Variants in FSTL5 observed in about 807,000 individuals in gnomAD.
The protein encoded by FSTL5 is follistatin-related protein 5.
A neutral mutation model predicts 89.1 loss-of-function variants in FSTL5; 62 were observed. The ratio of observed to expected loss-of-function variants is 0.70; its 90% CI spans 0.57 to 0.86. The LOEUF (loss-of-function observed/expected upper bound fraction) is 0.86. Ranked by LOEUF, FSTL5 falls within the 40% of genes least tolerant of loss-of-function variation. FSTL5 has a pLI of 0.00. For missense variants in FSTL5, 1,057 were observed against 1,001.6 expected, an observed-to-expected ratio of 1.06 and a Z score of -0.75; for synonymous variants, 383 against 346.2, an observed-to-expected ratio of 1.11 and a Z score of -1.18.
chr4:162,027,755 TTC>T (rs1737353662), intron 3 of FSTL5, among the ~76,000 whole-genome samples: 1 of 151,432 alleles, frequency 6.6e-6, no homozygotes, highest in South Asian at 2.1e-4. Context: ...ATGTTTTAGA[TTC>T]TCTTATTGGT....
intron 4 of FSTL5, among the ~76,000 whole-genome samples, chr4:161,787,299 A>G (rs565564008): frequency 6.6e-6 from 1 of 152,210 alleles, no homozygotes; most frequent in South Asian, 2.1e-4. Context: ...GTTTAGAAGA[A>G]AGGAAGTGCT....
intron 12 of FSTL5, among the ~76,000 whole-genome samples, chr4:161,499,156 C>G (rs996402912): frequency 3.3e-5 from 5 of 152,030 alleles, no homozygotes; most frequent in Non-Finnish European, 7.4e-5. Flanking sequence ...GAGCCGAGAT[C>G]ACTCCATTGC....
chr4:162,023,183 G>T (rs1905363), intron 3 of FSTL5, among the ~76,000 whole-genome samples: 38,835 of 151,942 alleles, frequency 0.26, 5,578 homozygotes, highest in Non-Finnish European at 0.32. Flanking sequence ...AGGGACTATC[G>T]TGTGGTATGG....
intron 2 of FSTL5, among the ~76,000 whole-genome samples, chr4:162,099,914 C>T (rs1730920970): frequency 6.6e-6 from 1 of 151,716 alleles, no homozygotes; most frequent in Non-Finnish European, 1.5e-5. Context: ...ATACTGACAA[C>T]ACCAAATGCT....
intron 12 of FSTL5, among the ~76,000 whole-genome samples, chr4:161,499,087 A>G (rs1730201259): frequency 2.6e-5 from 4 of 152,104 alleles, no homozygotes; most frequent in Admixed American, 6.6e-5. Flanking sequence ...CTGTAATCCC[A>G]GCTACTTGGG....
chr4:161,694,451 T>A (rs911580657), intron 6 of FSTL5, among the ~76,000 whole-genome samples: 4 of 149,900 alleles, frequency 2.7e-5, no homozygotes, highest in African/African-American at 9.8e-5. Context: ...AGAATTTCTG[T>A]TTTTTTTATA....
intron 1 of FSTL5, among the ~76,000 whole-genome samples, chr4:162,123,592 T>C (rs1302636693): frequency 4.1e-5 from 5 of 120,936 alleles, no homozygotes; most frequent in African/African-American, 1.2e-4. Context: ...AACTGAAGAC[T>C]TGAGGACATT....
At chr4:161,869,751 A>G (rs965921077) in intron 4 of FSTL5, among the ~76,000 whole-genome samples, 1 of 152,200 alleles carries the variant, frequency 6.6e-6, no homozygotes, top group African/African-American at 2.4e-5. Flanking sequence ...ATAACAAACC[A>G]TGAATATCCC....
intron 4 of FSTL5, among the ~76,000 whole-genome samples, chr4:161,811,224 G>A (rs1312407738): frequency 6.6e-6 from 1 of 151,976 alleles, no homozygotes; most frequent in Non-Finnish European, 1.5e-5. Context: ...AAAAATCAAG[G>A]AAGAAACAAC....
intron 1 of FSTL5, among the ~76,000 whole-genome samples, chr4:162,163,290 C>T (rs1733759335): frequency 6.6e-6 from 1 of 151,778 alleles, no homozygotes; most frequent in Admixed American, 6.6e-5. Flanking sequence ...TGGAATGGTT[C>T]CTATCCTTTG....
At chr4:162,011,916 TAG>T (rs767388955) in intron 3 of FSTL5, among the ~76,000 whole-genome samples, 3 of 152,234 alleles carry the variant, frequency 2.0e-5, no homozygotes, top group Non-Finnish European at 4.4e-5. Context: ...TATTCTTCTC[TAG>T]AGTCTTGTTT....
At chr4:162,023,153 T>A (rs1737155125) in intron 3 of FSTL5, among the ~76,000 whole-genome samples, 1 of 152,132 alleles carries the variant, frequency 6.6e-6, no homozygotes, top group Admixed American at 6.6e-5. Context: ...TTAGGTGATT[T>A]TCGTTACTTT....
intron 8 of FSTL5, among the ~76,000 whole-genome samples, chr4:161,563,794 A>C (rs150616982): frequency 1.1e-3 from 161 of 152,144 alleles, no homozygotes; most frequent in African/African-American, 3.7e-3. Context: ...AAGTTATTGT[A>C]TAATTTAGAA....
chr4:161,458,542 T>C (rs1733444406), intron 14 of FSTL5, among the ~76,000 whole-genome samples: 1 of 152,214 alleles, frequency 6.6e-6, no homozygotes, highest in African/African-American at 2.4e-5. Context: ...TAATTTGGGG[T>C]CTTGTTAAGA....
At chr4:162,157,695 A>T (rs930654991) in intron 1 of FSTL5, among the ~76,000 whole-genome samples, 1 of 152,166 alleles carries the variant, frequency 6.6e-6, no homozygotes, top group African/African-American at 2.4e-5. Context: ...TTTAAAGTTA[A>T]ACATTCTTAA....
intron 15 of FSTL5, among the ~76,000 whole-genome samples, chr4:161,394,716 T>C (rs899448932): frequency 2.0e-5 from 3 of 152,232 alleles, no homozygotes; most frequent in South Asian, 4.1e-4. Context: ...TACCAGACTA[T>C]GTAATATACA....
At chr4:162,099,900 C>T (rs1262622284) in intron 2 of FSTL5, among the ~76,000 whole-genome samples, 4 of 152,022 alleles carry the variant, frequency 2.6e-5, no homozygotes, top group African/African-American at 7.3e-5. Flanking sequence ...AGCCAGAATG[C>T]AAAATACTGA....
At chr4:161,953,265 C>T (rs1734945400) in intron 3 of FSTL5, among the ~76,000 whole-genome samples, 1 of 151,558 alleles carries the variant, frequency 6.6e-6, no homozygotes, top group African/African-American at 2.4e-5. Flanking sequence ...AAGAATAGTA[C>T]TGAATGTTTG....
At chr4:161,826,965 T>C (rs1244687482) in intron 4 of FSTL5, among the ~76,000 whole-genome samples, 1 of 152,198 alleles carries the variant, frequency 6.6e-6, no homozygotes. Flanking sequence ...ATTTACTGTG[T>C]TTTTGTTTTA....
Sources: allele counts gnomAD v4.1 joint callset (sites outside exome capture counted in the v4.1 genomes callset), GRCh38; gene constraint gnomAD v4.1.1; transcripts MANE v1.5; gene names NCBI Gene and HGNC (gene_info 2026-07-23, HGNC 2026-07-21).